Variants in SNX30 observed in about 807,000 individuals in gnomAD.
The protein encoded by SNX30 is sorting nexin-30.
SNX30 carries 24 observed loss-of-function variants against 46.4 expected under a neutral mutation model. That is an observed-to-expected ratio of 0.52 (90% CI 0.37 to 0.73). The LOEUF is 0.73. Ranked by LOEUF, SNX30 falls within the 30% of genes least tolerant of loss-of-function variation. SNX30 has a pLI of 0.00. For missense variants in SNX30, 533 were observed against 555.7 expected (o/e 0.96, Z 0.41); for synonymous variants, 189 against 211.5 (o/e 0.89, Z 0.92).
intron 6 of SNX30, among the ~76,000 whole-genome samples, chr9:112,846,097 A>T (rs927813090): frequency 3.3e-5 from 5 of 152,200 alleles, no homozygotes; most frequent in African/African-American, 1.2e-4. Context: ...TAGAAGAAAA[A>T]GTTAAGCAAG....
In SNX30 at chr9:112,871,032, A is replaced by C. The variant is rs1841436317; in HGVS notation, c.*2189A>C. The C allele has an allele frequency of 6.6e-6, 1 of 152,212 alleles. No homozygotes were observed. Among genetic ancestry groups the C allele is most frequent in the South Asian group, 2.1e-4 (1 of 4,826 alleles). The allele number at this position is 152,212 out of a possible 1,614,324, so 9.4% of individuals were successfully genotyped here. On this transcript the variant is annotated 3_prime_UTR_variant, in exon 9 of 9. Coordinates refer to ENST00000374232, the MANE Select transcript of SNX30 (RefSeq NM_001012994.2). Reference sequence around the variant, plus strand: ...CAGGTTCCTCACTGGGAGATGTGGGAAGGGGCGTGGGACGCACGCGGTCAC... The same window carrying C: ...CAGGTTCCTCACTGGGAGATGTGGGCAGGGGCGTGGGACGCACGCGGTCAC...
At chr9:112,857,753 AACGC>A (rs928078302) in intron 7 of SNX30, among the ~76,000 whole-genome samples, 10 of 145,714 alleles carry the variant, frequency 6.9e-5, no homozygotes, top group African/African-American at 2.3e-4. Flanking sequence ...GGAGCTCAGT[AACGC>A]ATGCATGCAT....
intron 5 of SNX30, chr9:112,881,357 C>T (rs1841575161): frequency 6.6e-6 from 1 of 152,240 alleles, no homozygotes; most frequent in Non-Finnish European, 1.5e-5. Flanking sequence ...GCTTAGATTT[C>T]CCGCCTTCTA....
chr9:112,809,263 A>G (rs1840279101), intron 2 of SNX30, among the ~76,000 whole-genome samples: 1 of 152,076 alleles, frequency 6.6e-6, no homozygotes, highest in Admixed American at 6.6e-5. Context: ...TATTTTTAGT[A>G]GAGATGGGGT....
At chr9:112,788,797 T>A (rs937630759) in intron 1 of SNX30, among the ~76,000 whole-genome samples, 1 of 152,068 alleles carries the variant, frequency 6.6e-6, no homozygotes, top group African/African-American at 2.4e-5. Flanking sequence ...GATTTCAGGA[T>A]TTTTTGTTTC....
intron 2 of SNX30, among the ~76,000 whole-genome samples, chr9:112,806,714 A>G (rs1840230979): frequency 6.6e-6 from 1 of 152,204 alleles, no homozygotes; most frequent in Non-Finnish European, 1.5e-5. Context: ...GGAAACAGGG[A>G]GCCTCCCTCA....
chr9:112,776,682 G>A (rs764615293), intron 1 of SNX30, among the ~76,000 whole-genome samples: 14 of 152,272 alleles, frequency 9.2e-5, no homozygotes, highest in Non-Finnish European at 1.8e-4. Flanking sequence ...CAGAGACTCT[G>A]CAGTCAGCCT....
chr9:112,858,938 A>G (rs1841181373), intron 7 of SNX30, among the ~76,000 whole-genome samples: 1 of 152,364 alleles, frequency 6.6e-6, no homozygotes, highest in South Asian at 2.1e-4. Context: ...ATACTGTGGT[A>G]AAATATACAG....
At chr9:112,831,009 G>A (rs1287533959) in intron 4 of SNX30, 126 bp downstream of exon 4, 2 of 978,122 alleles carry the variant, frequency 2.0e-6, no homozygotes, top group Admixed American at 3.1e-5. Flanking sequence ...GTGATGTTGT[G>A]CGCCTGTAGT....
chr9:112,846,413 C>CA (rs1221591422), intron 6 of SNX30, among the ~76,000 whole-genome samples: 1 of 152,140 alleles, frequency 6.6e-6, no homozygotes, highest in African/African-American at 2.4e-5. Context: ...ATCTAACTCG[C>CA]AGGTGGTCCT....
chr9:112,847,729 C>T (rs563044979), intron 6 of SNX30, among the ~76,000 whole-genome samples: 2 of 152,160 alleles, frequency 1.3e-5, no homozygotes, highest in African/African-American at 4.8e-5. Context: ...GAAATCACAA[C>T]AAAATGTTCT....
chr9:112,862,404 T>A (rs969164549), intron 7 of SNX30, among the ~76,000 whole-genome samples: 1 of 152,186 alleles, frequency 6.6e-6, no homozygotes, highest in Non-Finnish European at 1.5e-5. Context: ...GTAAGGGAAC[T>A]GGCCTGTGCC....
intron 1 of SNX30, among the ~76,000 whole-genome samples, chr9:112,775,781 CTT>C (rs35535657): frequency 1.2e-3 from 150 of 122,288 alleles, no homozygotes; most frequent in African/African-American, 2.3e-3. Flanking sequence ...TATGTGTAGT[CTT>C]TTTTTTTTTT....
At chr9:112,768,139 C>A (rs1839576377) in intron 1 of SNX30, among the ~76,000 whole-genome samples, 1 of 152,204 alleles carries the variant, frequency 6.6e-6, no homozygotes, top group African/African-American at 2.4e-5. Context: ...AAGTCCTTAG[C>A]CTGGCCTTCT....
rs75040341 is a variant in SNX30 at position 112,776,391 on chromosome 9, T to A, written c.156+25234T>A. ...CTGTTTAATTTAAAGTTAAACCCAC[T>A]TATGTTTGTTTAGTGTTCCCATGTT... On this transcript the variant is annotated intron_variant, in intron 1 of 8. Transcript: ENST00000374232. 2.1e-3 allele frequency among the ~76,000 whole-genome samples: 322 copies of A among 152,368 alleles called. 5 individuals are homozygous for A. In the East Asian group the frequency reaches 0.05, roughly 24 times the overall value.
intron 3 of SNX30, among the ~76,000 whole-genome samples, chr9:112,825,598 C>T (rs1840568512): frequency 6.6e-6 from 1 of 151,986 alleles, no homozygotes; most frequent in African/African-American, 2.4e-5. Flanking sequence ...CTGCTTCCCC[C>T]AATCGATTTT....
At chr9:112,785,129 T>C (rs1308443350) in intron 1 of SNX30, among the ~76,000 whole-genome samples, 1 of 152,226 alleles carries the variant, frequency 6.6e-6, no homozygotes. Flanking sequence ...GTCCCACTCT[T>C]TCTGCCATCT....
At chr9:112,791,398 A>AATTTT (rs1564270543) in intron 1 of SNX30, among the ~76,000 whole-genome samples, 1 of 39,950 alleles carries the variant, frequency 2.5e-5, no homozygotes, top group African/African-American at 7.9e-5. Flanking sequence ...ATATTTAGGA[A>AATTTT]CTTTTTTTTT....
chr9:112,811,956 C>G (rs1384011056), intron 2 of SNX30, among the ~76,000 whole-genome samples: 1 of 152,164 alleles, frequency 6.6e-6, no homozygotes, highest in Non-Finnish European at 1.5e-5. Flanking sequence ...TGGAGTTTTA[C>G]TGGTCTGCCT....
Sources: gnomAD v4.1 joint callset for allele counts (sites outside exome capture counted in the v4.1 genomes callset) on GRCh38, gnomAD v4.1.1 for gene constraint, MANE v1.5 for transcripts, NCBI Gene and HGNC (gene_info 2026-07-23, HGNC 2026-07-21) for gene names.